The following KHDRBS3 variants were observed in gnomAD, a reference collection of about 807,000 sequenced individuals.
KHDRBS3 encodes the protein KH RNA binding domain containing, signal transduction associated 3.
In KHDRBS3, 23 loss-of-function variants were observed where a neutral mutation model predicts 45.6. That is an observed-to-expected ratio of 0.50 (90% confidence interval 0.36 to 0.72). The LOEUF is 0.72. Among genes scored for constraint, KHDRBS3 ranks in the 30% least tolerant of loss-of-function variants. The pLI, the probability that KHDRBS3 is intolerant of heterozygous loss-of-function variation, is 0.00. For missense variants in KHDRBS3, 352 were observed against 424.8 expected, an observed-to-expected ratio of 0.83 and a Z score of 1.51; for synonymous variants, 162 against 156.5, an observed-to-expected ratio of 1.04 and a Z score of -0.26.
chr8:135,538,201 G>A (rs1825870457), intron 2 of KHDRBS3, among the ~76,000 whole-genome samples: 1 of 152,102 alleles, frequency 6.6e-6, no homozygotes, highest in African/African-American at 2.4e-5. Flanking sequence ...TTTCCAAAGG[G>A]GCTTTTGGGT....
At chr8:135,514,946 CTG>C in intron 1 of KHDRBS3, among the ~76,000 whole-genome samples, 1 of 152,232 alleles carries the variant, frequency 6.6e-6, no homozygotes, top group Middle Eastern at 3.4e-3. Context: ...AATTTAATTA[CTG>C]CTGGTATAAG....
At chr8:135,612,964 G>A (rs576977530) in intron 7 of KHDRBS3, among the ~76,000 whole-genome samples, 3 of 151,842 alleles carry the variant, frequency 2.0e-5, no homozygotes, top group African/African-American at 7.3e-5. Flanking sequence ...CTACTGGAAA[G>A]CTCTCTATTA....
At chr8:135,512,278 A>G (rs1470596492) in intron 1 of KHDRBS3, among the ~76,000 whole-genome samples, 1 of 152,136 alleles carries the variant, frequency 6.6e-6, no homozygotes, top group Non-Finnish European at 1.5e-5. Context: ...TTTAAAAACA[A>G]TTTAAATACT....
chr8:135,526,100 C>CCATATACATATACTGTATA (rs1289405537), intron 2 of KHDRBS3, among the ~76,000 whole-genome samples: 1 of 151,980 alleles, frequency 6.6e-6, no homozygotes, highest in African/African-American at 2.4e-5. Flanking sequence ...ATAGGCTATA[C>CCATATACATATACTGTATA]CATATAGCCT....
intron 5 of KHDRBS3, among the ~76,000 whole-genome samples, chr8:135,577,841 C>G (rs1828018821): frequency 6.6e-6 from 1 of 152,168 alleles, no homozygotes; most frequent in Non-Finnish European, 1.5e-5. Context: ...GCTGTATATA[C>G]TATGTTGCAT....
At chr8:135,493,334 G>A (rs1823253438) in intron 1 of KHDRBS3, among the ~76,000 whole-genome samples, 1 of 152,022 alleles carries the variant, frequency 6.6e-6, no homozygotes, top group Non-Finnish European at 1.5e-5. Flanking sequence ...CCACTACAGT[G>A]TAGCATAGAT....
At chr8:135,525,314 G>A (rs1350746837) in intron 2 of KHDRBS3, among the ~76,000 whole-genome samples, 1 of 152,120 alleles carries the variant, frequency 6.6e-6, no homozygotes, top group Admixed American at 6.6e-5. Context: ...GCCAGCCAGA[G>A]ATTTCAGAAG....
chr8:135,581,815 A>G, intron 5 of KHDRBS3, 63 bp from the exon 6 acceptor site: 1 of 1,211,968 alleles, frequency 8.3e-7, no homozygotes, highest in Admixed American at 2.7e-5. Flanking sequence ...GTATAAATAT[A>G]TGTGAATAAC....
intron 1 of KHDRBS3, among the ~76,000 whole-genome samples, chr8:135,511,964 T>C (rs1216469847): frequency 6.6e-6 from 1 of 152,190 alleles, no homozygotes; most frequent in African/African-American, 2.4e-5. Context: ...ATGATGAGCT[T>C]ATTTGTCCTT....
intron 1 of KHDRBS3, among the ~76,000 whole-genome samples, chr8:135,496,883 A>G (rs1823479039): frequency 6.6e-6 from 1 of 152,164 alleles, no homozygotes; most frequent in African/African-American, 2.4e-5. Flanking sequence ...GCTTGCCCAT[A>G]GCCTTATCAT....
In KHDRBS3 at chr8:135,577,445, AT is replaced by A. The variant is rs58813649; in HGVS notation, c.612-4423del. Among the ~76,000 whole-genome samples, 646 of 150,396 alleles carry A rather than the reference AT, an allele frequency of 4.3e-3. 12 individuals carry two copies. Among genetic ancestry groups the A allele is most frequent in the African/African-American group, 0.014 (582 of 40,974 alleles). ...ACCCCTTAAACTGTGTTAACTACTG[AT>A]TTTTTTTTTATCATCTCTCTAGTTT... On this transcript the variant is annotated intron_variant, in intron 5 of 8. Coordinates refer to ENST00000355849, the MANE Select transcript of KHDRBS3 (RefSeq NM_006558.3).
Position 135,582,018 on chromosome 8 carries a change from C to T in KHDRBS3, c.752C>T (p.Pro251Leu). ...LLTPRARGVP[P>L]TGYRPPPPPP... The stretch of plus-strand genomic sequence containing the variant: ...ACTCCCAGAGCAAGAGGAGTCCCCC[C>T]AACTGGGTACAGACCTCCACCGCCA... The change falls in exon 6 of 9, where the codon CCA (proline) becomes CTA (leucine). Residue 251 changes from proline to leucine, a missense_variant. Around this residue, in one of 6 missense-constraint regions of KHDRBS3, gnomAD observed 212 missense variants for 209.6 expected, o/e 1.01. Transcript: ENST00000355849. 6.2e-7 allele frequency: 1 copy of T among 1,611,812 alleles called. No homozygotes were observed. The highest frequency in any genetic ancestry group is 1.1e-5 in the South Asian group (1 of 90,588).
chr8:135,634,599 C>A (rs527525976), intron 7 of KHDRBS3, among the ~76,000 whole-genome samples: 1 of 152,184 alleles, frequency 6.6e-6, no homozygotes, highest in Non-Finnish European at 1.5e-5. Flanking sequence ...GTAGATAAAA[C>A]ATGCCAGTTA....
chr8:135,510,890 G>A (rs182182642), intron 1 of KHDRBS3, among the ~76,000 whole-genome samples: 83 of 152,314 alleles, frequency 5.4e-4, no homozygotes, highest in African/African-American at 2.0e-3. Context: ...CCATCTCAGT[G>A]TACTGGCCTC....
chr8:135,494,512 T>C (rs1049051219), intron 1 of KHDRBS3, among the ~76,000 whole-genome samples: 4 of 152,050 alleles, frequency 2.6e-5, no homozygotes, highest in African/African-American at 9.7e-5. Flanking sequence ...TCTCCTGACC[T>C]CGTGATCCAC....
At chr8:135,626,770 C>G (rs1191938260) in intron 7 of KHDRBS3, among the ~76,000 whole-genome samples, 1 of 95,134 alleles carries the variant, frequency 1.1e-5, no homozygotes, top group African/African-American at 6.0e-5. Context: ...CGCCACCGCA[C>G]TCCAACCTGG....
intron 7 of KHDRBS3, among the ~76,000 whole-genome samples, chr8:135,640,633 G>A (rs559844968): frequency 7.9e-5 from 12 of 152,264 alleles, no homozygotes; most frequent in African/African-American, 2.4e-4. Context: ...TGAGCACGCC[G>A]GCTTCCTTTG....
At chr8:135,625,193 C>G (rs1830303903) in intron 7 of KHDRBS3, 1 of 1,396,948 alleles carries the variant, frequency 7.2e-7, no homozygotes, top group African/African-American at 1.4e-5. Flanking sequence ...TGTTAATACT[C>G]TTCTTGCTCC....
intron 7 of KHDRBS3, among the ~76,000 whole-genome samples, chr8:135,620,563 A>C (rs1830096126): frequency 6.6e-6 from 1 of 152,216 alleles, no homozygotes; most frequent in Admixed American, 6.5e-5. Context: ...GTACATTGTC[A>C]TCAAAATCTT....
Sources: allele counts gnomAD v4.1 joint callset (sites outside exome capture counted in the v4.1 genomes callset), GRCh38; gene constraint gnomAD v4.1.1; regional missense constraint gnomAD v4.1.1; transcripts MANE v1.5; gene names NCBI Gene and HGNC (gene_info 2026-07-23, HGNC 2026-07-21).